The following CDHR3 variants were observed in gnomAD, a reference collection of about 807,000 sequenced individuals.
CDHR3 encodes the protein cadherin related family member 3.
A neutral mutation model predicts 86.6 loss-of-function variants in CDHR3; 79 were observed. That is an observed-to-expected ratio of 0.91 (90% CI 0.76 to 1.10). The LOEUF is 1.10. Ranked by LOEUF, CDHR3 falls within the 50% of genes least tolerant of loss-of-function variation. CDHR3 has a pLI of 0.00. For missense variants in CDHR3, 1,081 were observed against 1,077.6 expected, an observed-to-expected ratio of 1.00 and a Z score of -0.04; for synonymous variants, 421 against 402.4, an observed-to-expected ratio of 1.05 and a Z score of -0.55.
intron 14 of CDHR3, among the ~76,000 whole-genome samples, chr7:106,024,097 A>G (rs1317501695): frequency 2.0e-5 from 3 of 152,352 alleles, no homozygotes; most frequent in South Asian, 2.1e-4. Context: ...AAAAAAGCCA[A>G]TGGAGTTTTT....
intron 4 of CDHR3, among the ~76,000 whole-genome samples, chr7:105,986,537 C>A (rs1357573833): frequency 3.3e-5 from 5 of 152,154 alleles, no homozygotes; most frequent in African/African-American, 1.2e-4. Context: ...ATTTATTTAA[C>A]CAAAGTTTTA....
chr7:105,994,541 G>A (rs1003660966), intron 4 of CDHR3, among the ~76,000 whole-genome samples: 4 of 152,088 alleles, frequency 2.6e-5, no homozygotes. Flanking sequence ...AGCTTTTCAG[G>A]GTGTGGTCAA....
At chr7:106,019,489 A>G (rs957709892) in intron 12 of CDHR3, among the ~76,000 whole-genome samples, 3 of 152,102 alleles carry the variant, frequency 2.0e-5, no homozygotes, top group African/African-American at 4.8e-5. Context: ...CTGAAATCCC[A>G]AATTTCAAAG....
Position 106,030,832 on chromosome 7 carries a change from T to C in CDHR3, c.2345T>C (p.Ile782Thr). 6.2e-7 allele frequency: 1 copy of C among 1,610,700 alleles called. No homozygotes were observed. The highest frequency in any genetic ancestry group is 8.5e-7 in the Non-Finnish European group (1 of 1,178,492). ...AACACTATCTTTGATGGAGAAGCCA[T>C]AGATCCAGGTAATTAAGTGGCAATA... ...QMNTIFDGEAIDPVTGETYEF... is the reference protein window; with the variant it reads ...QMNTIFDGEATDPVTGETYEF... The change falls in exon 18 of 19, where the codon ATA becomes ACA. Residue 782 changes from isoleucine to threonine, a missense_variant. Ile to Thr is a moderately conservative substitution (Grantham distance 89). Transcript: ENST00000317716. The surrounding 1 kb of genome is among the most constrained non-coding windows in gnomAD (Gnocchi z 4.8).
Position 105,976,476 on chromosome 7 carries a change from A to G in CDHR3, c.249+1430A>G, listed in dbSNP as rs1828827997. On this transcript the variant is annotated intron_variant, in intron 2 of 18. Coordinates refer to ENST00000317716, the MANE Select transcript of CDHR3 (RefSeq NM_152750.5). ...ATTGAGTATAATTCACAGAGCATAT[A>G]CTCCAGCCATTTAAATTGTACAATT... is the stretch of plus-strand genomic sequence containing the variant. 3.3e-5 allele frequency among the ~76,000 whole-genome samples: 5 copies of G among 152,228 alleles called. No homozygotes were observed. In the South Asian group the frequency reaches 1.0e-3, roughly 32 times the overall value.
intron 4 of CDHR3, among the ~76,000 whole-genome samples, chr7:105,986,257 A>G (rs928926714): frequency 5.9e-5 from 9 of 152,208 alleles, no homozygotes; most frequent in African/African-American, 2.2e-4. Flanking sequence ...GGGATTCTTA[A>G]TGGAGATAAG....
At chr7:106,026,620 A>T in intron 15 of CDHR3, 62 bp from the exon 16 acceptor site, 2 of 1,571,322 alleles carry the variant, frequency 1.3e-6, no homozygotes, top group Non-Finnish European at 8.8e-7. Context: ...CCATGGTGTC[A>T]TGTGTGTGCC....
At chr7:105,967,310 A>G (rs1827126734) in intron 1 of CDHR3, among the ~76,000 whole-genome samples, 2 of 152,314 alleles carry the variant, frequency 1.3e-5, no homozygotes, top group South Asian at 4.1e-4. Flanking sequence ...GCTGCATAGT[A>G]TTCCATGGTG....
rs1380934081 is a variant in CDHR3 at position 106,030,424 on chromosome 7, T to C, written c.2305-368T>C. Among the ~76,000 whole-genome samples, 1 of 152,210 alleles carries C rather than the reference T, an allele frequency of 6.6e-6. No homozygotes were observed. The highest frequency in any genetic ancestry group is 1.5e-5 in the Non-Finnish European group (1 of 68,038). ...ACTGACACAACGTAGGTCTTAGCCATGCTGTGTGGCATTTCCACTCTTCCT... is the reference window on the plus strand; with the variant it reads ...ACTGACACAACGTAGGTCTTAGCCACGCTGTGTGGCATTTCCACTCTTCCT... On this transcript the variant is annotated intron_variant, in intron 17 of 18. Coordinates refer to ENST00000317716, the MANE Select transcript of CDHR3 (RefSeq NM_152750.5). This position sits in a 1 kb window ranked among gnomAD's most constrained non-coding sequence, Gnocchi z 4.8.
At chr7:106,028,152 TAAAATAAAATA>T (rs1312836031) in intron 16 of CDHR3, among the ~76,000 whole-genome samples, 1 of 126,112 alleles carries the variant, frequency 7.9e-6, no homozygotes, top group Non-Finnish European at 1.8e-5. Context: ...TAAAATAAAA[TAAAATAAAATA>T]AAATAAAATA....
intron 12 of CDHR3, 80 bp from the exon 13 acceptor site, chr7:106,020,293 T>G (rs1467027512): frequency 8.1e-6 from 10 of 1,233,604 alleles, no homozygotes; most frequent in Non-Finnish European, 1.1e-5. Context: ...TGAAAAGTGC[T>G]TAGCCTGAAA....
Position 105,965,571 on chromosome 7 carries a change from C to CT in CDHR3, c.46+2207_46+2208insT, listed in dbSNP as rs1554507750. 3.6e-5 allele frequency among the ~76,000 whole-genome samples: 4 copies of CT among 112,394 alleles called. 1 individual carries two copies. Among genetic ancestry groups the CT allele is most frequent in the Non-Finnish European group, 7.7e-5 (4 of 51,980 alleles). The allele number at this position is 112,394 out of a possible 152,430, so 73.7% of individuals were successfully genotyped here. A position where few individuals can be genotyped will look rare whatever the true frequency, so the allele number is the denominator to read the frequency against. On this transcript the variant is annotated intron_variant, in intron 1 of 18. Transcript: ENST00000317716. ...TCAAGGCCCAACTCAAGCCCCACCC[C>CT]CCCCCATGGAGTCTTCCTGGATTGA...
At chr7:105,992,719 G>T (rs1831547421) in intron 4 of CDHR3, among the ~76,000 whole-genome samples, 2 of 152,194 alleles carry the variant, frequency 1.3e-5, no homozygotes, top group Admixed American at 1.3e-4. Context: ...TAAACACAAT[G>T]AACAGATATT....
chr7:105,969,936 C>A (rs991306338), intron 1 of CDHR3, among the ~76,000 whole-genome samples: 25 of 152,072 alleles, frequency 1.6e-4, no homozygotes, highest in African/African-American at 5.6e-4. Flanking sequence ...TTGACAGGAA[C>A]CCCCAGAGAA....
At chr7:105,969,552 G>C (rs1181034235) in intron 1 of CDHR3, among the ~76,000 whole-genome samples, 1 of 152,162 alleles carries the variant, frequency 6.6e-6, no homozygotes, top group South Asian at 2.1e-4. Flanking sequence ...GGGTTCTGCC[G>C]TTGAGGCCAG....
At chr7:106,020,752 A>T (rs1046357881) in intron 13 of CDHR3, among the ~76,000 whole-genome samples, 5 of 152,176 alleles carry the variant, frequency 3.3e-5, no homozygotes, top group African/African-American at 1.2e-4. Context: ...CCTCCCAAGT[A>T]GCTGAGACTA....
intron 3 of CDHR3, among the ~76,000 whole-genome samples, chr7:105,983,646 C>T (rs959863041): frequency 4.6e-5 from 7 of 152,148 alleles, no homozygotes; most frequent in Non-Finnish European, 7.4e-5. Context: ...CTGTGAAAAA[C>T]TCTGAAACAG....
intron 6 of CDHR3, among the ~76,000 whole-genome samples, chr7:105,997,453 C>A (rs534300177): frequency 6.6e-6 from 1 of 152,320 alleles, no homozygotes; most frequent in South Asian, 2.1e-4. Context: ...GCACCTGATG[C>A]TGGGTTAGGT....
At chr7:106,006,202 C>T (rs1218394087) in intron 8 of CDHR3, among the ~76,000 whole-genome samples, 1 of 152,142 alleles carries the variant, frequency 6.6e-6, no homozygotes, top group Non-Finnish European at 1.5e-5. Context: ...CCCATGATTC[C>T]ATTTCCTCCT....
Sources: allele counts gnomAD v4.1 joint callset (sites outside exome capture counted in the v4.1 genomes callset), GRCh38; gene constraint gnomAD v4.1.1; non-coding constraint Gnocchi (gnomAD v3.1); transcripts MANE v1.5; gene names NCBI Gene and HGNC (gene_info 2026-07-23, HGNC 2026-07-21).